CACNA1H: variants seen among roughly 807,000 people sequenced by gnomAD.
The protein encoded by CACNA1H is voltage-dependent T-type calcium channel subunit alpha-1H.
CACNA1H carries 149 observed loss-of-function variants against 192.5 expected under a neutral mutation model. The observed-to-expected ratio is 0.77, with a 90% CI of 0.68 to 0.89. The LOEUF is 0.89. Among genes scored for constraint, CACNA1H ranks in the 40% least tolerant of loss-of-function variants. CACNA1H has a pLI of 0.00. For synonymous variants in CACNA1H, 2,202 were observed against 1,475.2 expected (o/e 1.49, Z -11.29); for missense variants, 4,257 against 3,423.5 (o/e 1.24, Z -6.08).
At position 1,200,023 on chromosome 16, in the gene CACNA1H, A is replaced by G. The variant is rs1477650571; in HGVS notation, c.804-233A>G. On this transcript the variant is annotated intron_variant, in intron 6 of 34. Transcript: ENST00000348261. Reference sequence around the variant, plus strand: ...CTGAGGAGAGTGTGGTTTCTGCAGCACCACTGTGTTCTTGACCCTGGTCCT... The same window carrying G: ...CTGAGGAGAGTGTGGTTTCTGCAGCGCCACTGTGTTCTTGACCCTGGTCCT... 2.0e-5 allele frequency among the ~76,000 whole-genome samples: 3 copies of G among 151,778 alleles called. No homozygotes were observed. In the South Asian group the frequency reaches 6.2e-4, roughly 32 times the overall value.
rs1245128408 is a variant in CACNA1H, at chr16:1,218,553, A to G, written c.5789A>G (p.Asp1930Gly). The change falls in exon 33 of 35, where the codon GAC (aspartate) becomes GGC (glycine). Residue 1930 changes from aspartate (D) to glycine (G), a missense_variant. Coordinates refer to ENST00000348261, the MANE Select transcript of CACNA1H (RefSeq NM_021098.3). ...TCCAGGATGCTCTCGCTGCCCAACG[A>G]CAGCTACATGTTCAGGCCCGTGGTG... Reference protein sequence around the residue: ...SVSRMLSLPNDSYMFRPVVPA... With the variant: ...SVSRMLSLPNGSYMFRPVVPA... The G allele has an allele frequency of 6.4e-7, 1 of 1,562,186 alleles. No individual in the cohort carries two copies. Among genetic ancestry groups the G allele is most frequent in the Non-Finnish European group, 8.7e-7 (1 of 1,153,716 alleles).
In CACNA1H at chr16:1,200,518, A is replaced by G. The variant is rs1967723508; in HGVS notation, c.1066A>G (p.Asn356Asp). The change falls in exon 7 of 35, where the codon AAC (asparagine) becomes GAC (aspartate). Residue 356 changes from asparagine (N) to aspartate (D), a missense_variant. Physicochemically the swap from Asn to Asp is conservative, Grantham distance 23. Transcript: ENST00000348261. ...VCRSGDSNPH[N>D]GAINFDNIGY... ...CCGCTCGGGTGACTCCAACCCCCAC[A>G]ACGGTGCCATCAACTTCGACAACAT... 6.2e-7 allele frequency: 1 copy of G among 1,612,268 alleles called. No individual in the cohort carries two copies. Among genetic ancestry groups the G allele is most frequent in the Non-Finnish European group, 8.5e-7 (1 of 1,179,712 alleles).
At chr16:1,201,270 G>A (rs768411544) in intron 8 of CACNA1H, among the ~76,000 whole-genome samples, 8 of 152,164 alleles carry the variant, frequency 5.3e-5, no homozygotes, top group East Asian at 1.9e-4. Flanking sequence ...TTCTGAGAGA[G>A]CAAGCGAAGC....
At chr16:1,158,064 T>G (rs974183624) in intron 2 of CACNA1H, 4 of 152,230 alleles carry the variant, frequency 2.6e-5, no homozygotes, top group Non-Finnish European at 4.4e-5. Context: ...GATCCATTAG[T>G]CTCTGAAGCC....
intron 14 of CACNA1H, 123 bp from the exon 15 acceptor site, chr16:1,207,647 A>G: frequency 1.0e-6 from 1 of 971,510 alleles, no homozygotes; most frequent in Non-Finnish European, 1.6e-6. Context: ...CCTGGCAGTG[A>G]CATCATCCTC....
intron 30 of CACNA1H, among the ~76,000 whole-genome samples, chr16:1,215,974 A>G (rs1326704106): frequency 6.6e-6 from 1 of 152,090 alleles, no homozygotes; most frequent in Non-Finnish European, 1.5e-5. Context: ...CTCGGAGCCC[A>G]CATGGGCCCA....
chr16:1,159,052 C>G (rs1962836703), intron 2 of CACNA1H, among the ~76,000 whole-genome samples: 1 of 152,254 alleles, frequency 6.6e-6, no homozygotes, highest in Non-Finnish European at 1.5e-5. Flanking sequence ...CTGCCTGAGG[C>G]ACTTCAGGGT....
At chr16:1,199,825 A>C (rs1967586609) in intron 6 of CACNA1H, among the ~76,000 whole-genome samples, 1 of 149,912 alleles carries the variant, frequency 6.7e-6, no homozygotes, top group Admixed American at 6.6e-5. Flanking sequence ...CCCTCACCCC[A>C]GGCTTCCCTC....
chr16:1,199,656 G>GTCCCCTCAACCCTCACCCCGGGTTC (rs1967543747), intron 6 of CACNA1H, among the ~76,000 whole-genome samples: 1 of 146,378 alleles, frequency 6.8e-6, no homozygotes, highest in Non-Finnish European at 1.5e-5. Context: ...TCACCCCGGG[G>GTCCCCTCAACCCTCACCCCGGGTTC]TCCCCTCAAC....
chr16:1,209,984 G>C (rs1277903372), intron 17 of CACNA1H, 51 bp from the exon 18 acceptor site: 2 of 1,399,318 alleles, frequency 1.4e-6, no homozygotes, highest in African/African-American at 2.9e-5. Context: ...CCCTGATGGG[G>C]GGCCGGGCAG....
intron 31 of CACNA1H, among the ~76,000 whole-genome samples, chr16:1,217,370 T>C (rs1030227241): frequency 6.6e-6 from 1 of 152,104 alleles, no homozygotes. Flanking sequence ...AGGAGACAAA[T>C]GTTGGCTGTC....
chr16:1,213,708 G>A, intron 26 of CACNA1H, 72 bp from the exon 27 acceptor site: 1 of 1,235,052 alleles, frequency 8.1e-7, no homozygotes, highest in South Asian at 1.6e-5. Context: ...CCTAGGAGGA[G>A]AATGGAGTCT....
rs779875096 is a variant in CACNA1H at position 1,195,912 on chromosome 16, G to A, written c.546-14G>A. ...GCTCCTTGTTGAGCTGCTCCCCCTC[G>A]GCCCCGCCCCCAGCATGATGGAGTA... On this transcript the variant is annotated splice_polypyrimidine_tract_variant and intron_variant, in intron 4 of 34. Coordinates refer to ENST00000348261, the MANE Select transcript of CACNA1H (RefSeq NM_021098.3). The A allele has an allele frequency of 1.9e-6, 3 of 1,607,814 alleles. No homozygotes were observed. The highest frequency in any genetic ancestry group is 2.6e-6 in the Non-Finnish European group (3 of 1,175,478).
At chr16:1,203,172 C>T (rs1287791281) in intron 9 of CACNA1H, among the ~76,000 whole-genome samples, 2 of 152,108 alleles carry the variant, frequency 1.3e-5, no homozygotes, top group South Asian at 2.1e-4. Context: ...AGACGAGTGT[C>T]GGGCGCATGC....
intron 30 of CACNA1H, 80 bp from the exon 31 acceptor site, chr16:1,216,852 G>A (rs981200754): frequency 2.2e-5 from 26 of 1,157,272 alleles, no homozygotes; most frequent in Admixed American, 4.0e-5. Context: ...TCTGGTGGCC[G>A]AGGCGCCGAG....
chr16:1,213,648 C>T (rs1248325682), intron 26 of CACNA1H, 132 bp from the exon 27 acceptor site: 1 of 601,496 alleles, frequency 1.7e-6, no homozygotes, highest in East Asian at 2.9e-5. Context: ...AGGGCCAGCC[C>T]CATCTTCACA....
chr16:1,178,345 C>A (rs1965123522), intron 2 of CACNA1H, among the ~76,000 whole-genome samples: 1 of 141,838 alleles, frequency 7.1e-6, no homozygotes, highest in Non-Finnish European at 1.5e-5. Context: ...TCTTCTGGTG[C>A]CCCCATATTC....
chr16:1,212,645 G>A, intron 26 of CACNA1H, 117 bp downstream of exon 26: 2 of 1,290,298 alleles, frequency 1.6e-6, no homozygotes, highest in Non-Finnish European at 1.1e-6. Context: ...AGCCGGAGGT[G>A]CTGGGCGTGT....
chr16:1,212,217 G>GC (rs1292489764), intron 25 of CACNA1H, 79 bp downstream of exon 25: 21 of 1,494,984 alleles, frequency 1.4e-5, no homozygotes, highest in Non-Finnish European at 1.5e-5. Flanking sequence ...CTCCACTCCC[G>GC]CCCCGGCCTC....
Sources: allele counts gnomAD v4.1 joint callset (sites outside exome capture counted in the v4.1 genomes callset), GRCh38; gene constraint gnomAD v4.1.1; transcripts MANE v1.5; gene names NCBI Gene and HGNC (gene_info 2026-07-23, HGNC 2026-07-21).